The following DCBLD1 variants were observed in gnomAD, a reference collection of about 807,000 sequenced individuals.
DCBLD1 encodes discoidin, CUB and LCCL domain containing 1, also known as discoidin, CUB and LCCL domain-containing protein 1.
DCBLD1 carries 57 observed loss-of-function variants against 71.5 expected under a neutral mutation model. That is an observed-to-expected ratio of 0.80 (90% CI 0.64 to 0.99). DCBLD1 has a LOEUF of 0.99. Ranked by LOEUF, DCBLD1 falls within the 50% of genes least tolerant of loss-of-function variation. The pLI, the probability that DCBLD1 is intolerant of heterozygous loss-of-function variation, is 0.00. For missense variants in DCBLD1, 891 were observed against 923.5 expected (o/e 0.96, Z 0.46); for synonymous variants, 380 against 363.8 (o/e 1.04, Z -0.51).
chr6:117,546,093 A>T (rs1468779452), intron 14 of DCBLD1, among the ~76,000 whole-genome samples: 1 of 152,248 alleles, frequency 6.6e-6, no homozygotes, highest in Non-Finnish European at 1.5e-5. Context: ...CTACTCCATC[A>T]TGAATGAATA....
chr6:117,515,224 T>A (rs1018962307), intron 2 of DCBLD1, among the ~76,000 whole-genome samples: 14 of 152,232 alleles, frequency 9.2e-5, no homozygotes, highest in African/African-American at 3.4e-4. Flanking sequence ...GGTTTCACCA[T>A]GTTGACCAGG....
At chr6:117,545,317 G>A (rs1055039643) in intron 13 of DCBLD1, among the ~76,000 whole-genome samples, 161 bp from the exon 14 acceptor site, 1 of 152,138 alleles carries the variant, frequency 6.6e-6, no homozygotes, top group Non-Finnish European at 1.5e-5. Flanking sequence ...TGTGGTTAAT[G>A]ACCTTGGCAT....
chr6:117,504,015 A>C, intron 2 of DCBLD1, 36 bp downstream of exon 2: 1 of 1,609,348 alleles, frequency 6.2e-7, no homozygotes, highest in South Asian at 1.1e-5. Context: ...TGAGCATCAA[A>C]ATTTTTGATA....
At chr6:117,516,713 C>T (rs1285739103) in intron 2 of DCBLD1, among the ~76,000 whole-genome samples, 1 of 152,154 alleles carries the variant, frequency 6.6e-6, no homozygotes, top group Non-Finnish European at 1.5e-5. Context: ...CTTACAGTTC[C>T]ACGTAGCTGG....
intron 12 of DCBLD1, among the ~76,000 whole-genome samples, chr6:117,543,475 C>T (rs974781884): frequency 2.0e-5 from 3 of 152,170 alleles, no homozygotes; most frequent in Non-Finnish European, 4.4e-5. Flanking sequence ...TGGGCTCAAG[C>T]AAACCCCCTG....
At position 117,519,820 on chromosome 6, in the gene DCBLD1, A is replaced by G. The variant is rs746485624; in HGVS notation, c.330A>G (p.Pro110=). ...LFTSSSDQYG[P]YCGSMTVPKE... ...ACAAGTGTGCTTTGTTTTTAGGTCC[A>G]TACTGTGGAAGTATGACTGTTCCCA... Residue 110 remains proline, a synonymous_variant, in exon 3 of 15, where the codon CCA becomes CCG. Coordinates refer to ENST00000338728, the MANE Select transcript of DCBLD1 (RefSeq NM_001366458.2). 1.9e-6 allele frequency: 3 copies of G among 1,612,706 alleles called. No homozygotes were observed. The South Asian group carries it at 3.3e-5, about 18-fold the overall frequency.
At chr6:117,569,556 C>A (rs927882127) in intron 14 of DCBLD1, 2 of 1,611,074 alleles carry the variant, frequency 1.2e-6, no homozygotes, top group African/African-American at 2.7e-5. Context: ...GTTCTAATTA[C>A]ATGAAGGGAA....
chr6:117,563,463 T>G (rs1427193124), intron 14 of DCBLD1: 4 of 1,398,632 alleles, frequency 2.9e-6, no homozygotes, highest in Non-Finnish European at 4.0e-6. Flanking sequence ...GGCTCATACC[T>G]GTAATCCCAG....
At chr6:117,556,028 G>A (rs1339714393) in intron 14 of DCBLD1, among the ~76,000 whole-genome samples, 1 of 152,052 alleles carries the variant, frequency 6.6e-6, no homozygotes, top group East Asian at 1.9e-4. Flanking sequence ...TATTTGATGA[G>A]TTTCAAAAAG....
At chr6:117,489,809 C>T (rs562456059) in intron 1 of DCBLD1, among the ~76,000 whole-genome samples, 5 of 152,230 alleles carry the variant, frequency 3.3e-5, no homozygotes, top group East Asian at 3.9e-4. Flanking sequence ...GGCGTGAACC[C>T]GGGAGGCGGA....
downstream of DCBLD1, among the ~76,000 whole-genome samples, chr6:117,552,859 C>A (rs1033661739): frequency 1.3e-5 from 2 of 152,186 alleles, no homozygotes; most frequent in African/African-American, 2.4e-5. Flanking sequence ...CCTACTTAGT[C>A]ACTGATCTCA....
Position 117,482,811 on chromosome 6 carries a change from A to G in DCBLD1, c.30A>G (p.Ala10=). The G allele has an allele frequency of 2.6e-6, 3 of 1,157,058 alleles. No homozygotes were observed. The highest frequency in any genetic ancestry group is 9.5e-5 in the Admixed American group (2 of 20,986). The allele number at this position is 1,157,058 out of a possible 1,614,324, so 71.7% of individuals were successfully genotyped here. A position where few individuals can be genotyped will look rare whatever the true frequency, so the allele number is the denominator to read the frequency against. Residue 10 remains alanine, a synonymous_variant, in exon 1 of 15, where the codon GCA becomes GCG. Coordinates refer to ENST00000338728, the MANE Select transcript of DCBLD1 (RefSeq NM_001366458.2). ...TGCCCGGCGCCCGCGGCGGCGGCGC[A>G]CTGGCGCGGGCTGCCGGGCGGGGCC... MVPGARGGG[A]LARAAGRGLL...
chr6:117,503,519 T>C, intron 1 of DCBLD1: 2 of 487,670 alleles, frequency 4.1e-6, no homozygotes, highest in Non-Finnish European at 3.6e-6. Flanking sequence ...ATTTGTTTCC[T>C]AAGGGCTTTC....
At chr6:117,483,217 C>T (rs1216722627) in intron 1 of DCBLD1, among the ~76,000 whole-genome samples, 1 of 152,196 alleles carries the variant, frequency 6.6e-6, no homozygotes, top group Non-Finnish European at 1.5e-5. Context: ...GACTTCCTGA[C>T]TCTGCTGGCC....
At chr6:117,492,357 G>C (rs1201910732) in intron 1 of DCBLD1, among the ~76,000 whole-genome samples, 1 of 152,158 alleles carries the variant, frequency 6.6e-6, no homozygotes, top group Non-Finnish European at 1.5e-5. Context: ...ATTTACCCAA[G>C]ACACATTTAC....
chr6:117,486,226 A>G (rs1198553158), intron 1 of DCBLD1, among the ~76,000 whole-genome samples: 2 of 152,242 alleles, frequency 1.3e-5, no homozygotes, highest in Non-Finnish European at 1.5e-5. Context: ...ACATGGGGGC[A>G]TGAATTTAAT....
chr6:117,535,009 G>A (rs1252410903), intron 6 of DCBLD1, among the ~76,000 whole-genome samples: 1 of 152,156 alleles, frequency 6.6e-6, no homozygotes, highest in African/African-American at 2.4e-5. Flanking sequence ...TGTTCACACA[G>A]CCTCTTCCAC....
intron 11 of DCBLD1, among the ~76,000 whole-genome samples, chr6:117,542,224 C>T (rs1328837956): frequency 6.7e-6 from 1 of 148,854 alleles, no homozygotes; most frequent in East Asian, 2.0e-4. Flanking sequence ...ACCCAGAAGG[C>T]GAAGGTTGCC....
chr6:117,563,269 A>G lies in DCBLD1; in HGVS notation c.1616-6351A>G, dbSNP rs750852261. 3.1e-6 allele frequency: 5 copies of G among 1,613,108 alleles called. No individual in the cohort carries two copies. In the East Asian group the frequency reaches 1.1e-4, roughly 36 times the overall value. On this transcript the variant is annotated intron_variant, in intron 14 of 14. Coordinates refer to the DCBLD1 transcript ENST00000296955. ...TATGGTCAATTTAATAAGATTTTTT[A>G]TGATACAGAGTGTGCAGATCATCTA...
Sources: allele counts gnomAD v4.1 joint callset (sites outside exome capture counted in the v4.1 genomes callset), GRCh38; gene constraint gnomAD v4.1.1; transcripts MANE v1.5; gene names NCBI Gene and HGNC (gene_info 2026-07-23, HGNC 2026-07-21).